Variants in CUL5 observed in about 807,000 individuals in gnomAD.
The protein encoded by CUL5 is cullin-5.
Under a neutral mutation model 108.8 loss-of-function variants are expected in CUL5, and 26 were observed. That is an observed-to-expected ratio of 0.24 (90% CI 0.18 to 0.33). The LOEUF (loss-of-function observed/expected upper bound fraction) is 0.33. Ranked by LOEUF, CUL5 falls within the 10% of genes least tolerant of loss-of-function variation. The probability of loss-of-function intolerance (pLI) is 1.00; values close to 1 mark genes in which losing one functional copy is unlikely to be tolerated. For missense variants in CUL5, 524 were observed against 909.2 expected (o/e 0.58, Z 5.45); for synonymous variants, 334 against 298.0 (o/e 1.12, Z -1.25).
In CUL5 at chr11:108,089,535, G is replaced by A; in HGVS notation, c.1355G>A (p.Arg452Lys). The change falls in exon 13 of 19, where the codon AGG (arginine) becomes AAG (lysine). Residue 452 changes from arginine (R) to lysine (K), a missense_variant. Arg to Lys is a conservative substitution (Grantham distance 26, BLOSUM62 2). Coordinates refer to ENST00000393094, the MANE Select transcript of CUL5 (RefSeq NM_003478.6). The part of the protein sequence containing the change: ...KYVQNKDVFM[R>K]YHKAHLTRRL... ...GTACAGAACAAAGATGTTTTTATGAGGTATCATAAAGCTCATTTGACACGA... is the reference window on the plus strand; with the variant it reads ...GTACAGAACAAAGATGTTTTTATGAAGTATCATAAAGCTCATTTGACACGA... 1 of 1,550,496 alleles carries A rather than the reference G, an allele frequency of 6.4e-7. No homozygotes were observed. Among genetic ancestry groups the A allele is most frequent in the Non-Finnish European group, 8.7e-7 (1 of 1,151,572 alleles).
intron 1 of CUL5, among the ~76,000 whole-genome samples, chr11:108,029,852 C>G (rs1275769754): frequency 6.6e-6 from 1 of 152,132 alleles, no homozygotes; most frequent in South Asian, 2.1e-4. Flanking sequence ...ATCTCCAGTA[C>G]CTGTCTACTC....
At chr11:108,073,747 T>C (rs537769441) in intron 10 of CUL5, 1 of 235,992 alleles carries the variant, frequency 4.2e-6, no homozygotes, top group African/African-American at 2.3e-5. Context: ...AGAATGTTTT[T>C]CTGTTTTTGA....
chr11:108,066,941 A>G (rs898292315), intron 7 of CUL5, among the ~76,000 whole-genome samples: 12 of 152,348 alleles, frequency 7.9e-5, no homozygotes, highest in Admixed American at 2.6e-4. Flanking sequence ...AACCATGTTT[A>G]TACTTCTCTA....
chr11:108,098,949 A>G (rs1322079413), intron 18 of CUL5, among the ~76,000 whole-genome samples: 1 of 149,604 alleles, frequency 6.7e-6, no homozygotes, highest in Non-Finnish European at 1.5e-5. Context: ...TTAAAACCAA[A>G]TTTTTCAACT....
At chr11:108,073,614 G>T in intron 10 of CUL5, 117 bp downstream of exon 10, 1 of 454,634 alleles carries the variant, frequency 2.2e-6, no homozygotes, top group South Asian at 7.4e-5. Flanking sequence ...CCTAGCAACT[G>T]TTATTTTTCA....
At chr11:108,094,352 G>T (rs1274203327) in intron 13 of CUL5, 39 bp from the exon 14 acceptor site, 2 of 1,453,030 alleles carry the variant, frequency 1.4e-6, no homozygotes, top group Admixed American at 2.2e-5. Flanking sequence ...ATCAGATTAT[G>T]TATTTATTAC....
chr11:108,084,806 G>A (rs557574908), intron 11 of CUL5: 8 of 152,280 alleles, frequency 5.3e-5, no homozygotes, highest in Admixed American at 1.3e-4. Context: ...AAATAAAAAG[G>A]ACAGATATAA....
rs760644809 is a variant in CUL5 at position 108,078,223 on chromosome 11, A to T, written c.1161A>T (p.Leu387Phe). The T allele has an allele frequency of 6.0e-5, 95 of 1,575,750 alleles. No homozygotes were observed. The highest frequency in any genetic ancestry group is 7.9e-5 in the Non-Finnish European group (92 of 1,157,922). ...ATGCTACCATATTTAAACTTGAATT[A>T]CCTTTGAAGCAGAAGGGGTAAGTTT... ...VNDATIFKLE[L>F]PLKQKGVGLK... The change falls in exon 11 of 19, where the codon TTA (leucine) becomes TTT (phenylalanine). Residue 387 changes from leucine to phenylalanine, a missense_variant. By Grantham distance (22) the Leu-to-Phe change is conservative. This residue lies in a region of CUL5 where 76 missense variants were observed against 168.3 expected (regional missense o/e 0.45). Coordinates refer to ENST00000393094, the MANE Select transcript of CUL5 (RefSeq NM_003478.6).
chr11:108,066,107 G>A (rs1231564371), intron 7 of CUL5, among the ~76,000 whole-genome samples: 1 of 152,202 alleles, frequency 6.6e-6, no homozygotes, highest in Admixed American at 6.5e-5. Flanking sequence ...TTGGGAGGCT[G>A]AGGCAGGCAG....
Position 108,008,989 on chromosome 11 carries a change from G to A in CUL5, c.-360G>A. ...TAAATTCGTTGCAGGTGGCCGCGGCGGGTGCAACCACAAAGGCTAATCCGA... is the reference window on the plus strand; with the variant it reads ...TAAATTCGTTGCAGGTGGCCGCGGCAGGTGCAACCACAAAGGCTAATCCGA... On this transcript the variant is annotated 5_prime_UTR_variant, in exon 1 of 19. Coordinates refer to ENST00000393094, the MANE Select transcript of CUL5 (RefSeq NM_003478.6). 3.7e-6 allele frequency: 1 copy of A among 271,542 alleles called. No homozygotes were observed. The highest frequency in any genetic ancestry group is 1.0e-3 in the Middle Eastern group (1 of 954). 16.8% of individuals were successfully genotyped at this position (271,542 alleles called of 1,614,324 possible). A position where few individuals can be genotyped will look rare whatever the true frequency, so the allele number is the denominator to read the frequency against.
chr11:108,083,921 C>T (rs375541820), intron 11 of CUL5, among the ~76,000 whole-genome samples: 7 of 152,270 alleles, frequency 4.6e-5, no homozygotes, highest in Middle Eastern at 6.8e-3. Context: ...CGGCCCAGGA[C>T]GGCTTTGAAC....
chr11:108,105,002 A>C lies in CUL5; in HGVS notation c.*618A>C, dbSNP rs1430534498. The C allele has an allele frequency of 3.3e-5, 5 of 152,556 alleles. No homozygotes were observed. The highest frequency in any genetic ancestry group is 1.2e-4 in the African/African-American group (5 of 41,448). The allele number at this position is 152,556 out of a possible 1,614,324, so 9.5% of individuals were successfully genotyped here. On this transcript the variant is annotated 3_prime_UTR_variant, in exon 19 of 19. Transcript: ENST00000393094. ...CCTAAAAATGGTATTAAATATTTTC[A>C]ACTTTCAAATGTTGGTTTTCTTTAA...
intron 5 of CUL5, among the ~76,000 whole-genome samples, chr11:108,053,155 G>A (rs563050624): frequency 1.3e-5 from 2 of 152,300 alleles, no homozygotes; most frequent in African/African-American, 4.8e-5. Context: ...AGGAGAGCAT[G>A]TAGGAGTACA....
In CUL5 at chr11:108,090,685, A is replaced by G. The variant is rs1282054290; in HGVS notation, c.1443+1062A>G. ...TTATAACTAAATTCCCATATAAAGTATTTTGAGTTCTTTTTTTGTTTTAAT... is the reference window on the plus strand; with the variant it reads ...TTATAACTAAATTCCCATATAAAGTGTTTTGAGTTCTTTTTTTGTTTTAAT... On this transcript the variant is annotated intron_variant, in intron 13 of 18. Coordinates refer to ENST00000393094, the MANE Select transcript of CUL5 (RefSeq NM_003478.6). Among the ~76,000 whole-genome samples the G allele has an allele frequency of 2.6e-5, 4 of 152,268 alleles. No homozygotes were observed. The South Asian group carries it at 8.3e-4, about 32-fold the overall frequency.
intron 3 of CUL5, among the ~76,000 whole-genome samples, chr11:108,047,550 A>AT (rs1187310596): frequency 6.6e-6 from 1 of 152,154 alleles, no homozygotes; most frequent in Non-Finnish European, 1.5e-5. Flanking sequence ...ATATATTTTA[A>AT]TTTTGCTAGT....
intron 16 of CUL5, among the ~76,000 whole-genome samples, chr11:108,096,150 A>C (rs1864487281): frequency 6.6e-6 from 1 of 151,272 alleles, no homozygotes; most frequent in African/African-American, 2.4e-5. Flanking sequence ...TTATGGAAAA[A>C]ATAAATTGCA....
chr11:108,033,849 G>A lies in CUL5; in HGVS notation c.72G>A (p.Pro24=), dbSNP rs373067331. 2.3e-4 allele frequency: 370 copies of A among 1,612,778 alleles called. No individual in the cohort carries two copies. The highest frequency in any genetic ancestry group is 3.0e-4 in the Non-Finnish European group (353 of 1,179,508). The change falls in exon 2 of 19, where the codon CCG becomes CCA. Residue 24 remains proline (P), a synonymous_variant. Coordinates refer to ENST00000393094, the MANE Select transcript of CUL5 (RefSeq NM_003478.6). ...AAGACAAATGGGATTTTATGCGCCC[G>A]ATTGTTTTGAAGCTTTTACGCCAGG... ...QFEDKWDFMR[P]IVLKLLRQES...
At chr11:108,091,732 C>CACACACACAT (rs1555024090) in intron 13 of CUL5, among the ~76,000 whole-genome samples, 3 of 149,806 alleles carry the variant, frequency 2.0e-5, no homozygotes, top group African/African-American at 7.4e-5. Flanking sequence ...CACACACACA[C>CACACACACAT]GACAAATAAT....
intron 11 of CUL5, among the ~76,000 whole-genome samples, chr11:108,079,873 C>A (rs1045190820): frequency 6.7e-6 from 1 of 150,352 alleles, no homozygotes; most frequent in Non-Finnish European, 1.5e-5. Context: ...AAGCTTCTTT[C>A]ATTCTGCATT....
Sources: gnomAD v4.1 joint callset for allele counts (sites outside exome capture counted in the v4.1 genomes callset) on GRCh38, gnomAD v4.1.1 for gene constraint, gnomAD v4.1.1 regional missense constraint, MANE v1.5 for transcripts, NCBI Gene and HGNC (gene_info 2026-07-23, HGNC 2026-07-21) for gene names.